The following NCAM2 variants were observed in gnomAD, a reference collection of about 807,000 sequenced individuals.
The protein encoded by NCAM2 is neural cell adhesion molecule 2.
Under a neutral mutation model 98.1 loss-of-function variants are expected in NCAM2, and 30 were observed. The ratio of observed to expected loss-of-function variants is 0.31; its 90% CI spans 0.23 to 0.41. The LOEUF is 0.41. Among genes scored for constraint, NCAM2 ranks in the 10% least tolerant of loss-of-function variants. NCAM2 has a pLI of 1.00. For synonymous variants in NCAM2, 368 were observed against 342.4 expected (o/e 1.07, Z -0.83); for missense variants, 867 against 1,005.8 (o/e 0.86, Z 1.87).
At chr21:21,147,528 A>G (rs1358873627) in intron 1 of NCAM2, among the ~76,000 whole-genome samples, 1 of 151,224 alleles carries the variant, frequency 6.6e-6, no homozygotes, top group Admixed American at 6.6e-5. Context: ...ATACACTAAT[A>G]ATGCAGCCAC....
chr21:21,246,448 T>C (rs1601753108), intron 1 of NCAM2, among the ~76,000 whole-genome samples: 2 of 152,278 alleles, frequency 1.3e-5, no homozygotes, highest in East Asian at 3.9e-4. Flanking sequence ...CAGAGAGAAG[T>C]AGAAAAATTA....
At chr21:21,175,168 G>A (rs1200617690) in intron 1 of NCAM2, among the ~76,000 whole-genome samples, 2 of 152,114 alleles carry the variant, frequency 1.3e-5, no homozygotes, top group Admixed American at 6.5e-5. Context: ...CACAAACTGG[G>A]AAACAAGTCA....
chr21:21,176,268 T>G (rs1465777430), intron 1 of NCAM2, among the ~76,000 whole-genome samples: 1 of 152,108 alleles, frequency 6.6e-6, no homozygotes. Flanking sequence ...AAGCCTGTAT[T>G]GATAACACAA....
At chr21:21,198,472 G>T (rs1195042005) in intron 1 of NCAM2, among the ~76,000 whole-genome samples, 1 of 152,132 alleles carries the variant, frequency 6.6e-6, no homozygotes, top group African/African-American at 2.4e-5. Flanking sequence ...AATAGAGAAT[G>T]ACCTTATAGA....
At chr21:20,999,082 T>G (rs993579970) in intron 1 of NCAM2, among the ~76,000 whole-genome samples, 26 of 148,380 alleles carry the variant, frequency 1.8e-4, no homozygotes, top group Non-Finnish European at 3.6e-4. Context: ...TTGGAGACTC[T>G]TTTTTTTTTC....
chr21:21,368,405 C>T (rs545030813), intron 8 of NCAM2, among the ~76,000 whole-genome samples: 50 of 152,002 alleles, frequency 3.3e-4, no homozygotes, highest in African/African-American at 1.2e-3. Flanking sequence ...CCCAGCATGT[C>T]ATCAGTGTAA....
intron 16 of NCAM2, among the ~76,000 whole-genome samples, chr21:21,526,659 C>T (rs1298801831): frequency 6.6e-6 from 1 of 151,956 alleles, no homozygotes; most frequent in African/African-American, 2.4e-5. Flanking sequence ...CAAAAAGACC[C>T]ACAATAACCA....
At chr21:21,220,580 T>C (rs536155151) in intron 1 of NCAM2, among the ~76,000 whole-genome samples, 36 of 152,280 alleles carry the variant, frequency 2.4e-4, no homozygotes, top group Non-Finnish European at 4.9e-4. Context: ...AATTCATGAC[T>C]GTATTTAGTT....
chr21:21,144,899 C>T (rs1027288116), intron 1 of NCAM2, among the ~76,000 whole-genome samples: 4 of 152,052 alleles, frequency 2.6e-5, no homozygotes, highest in East Asian at 1.9e-4. Context: ...AACACTAGTA[C>T]AACTGATCTT....
intron 1 of NCAM2, among the ~76,000 whole-genome samples, chr21:21,276,201 T>C (rs939857409): frequency 6.6e-6 from 1 of 152,126 alleles, no homozygotes; most frequent in Non-Finnish European, 1.5e-5. Flanking sequence ...TTTCATAATT[T>C]TATGTACCCC....
At chr21:21,030,580 A>G (rs1215833117) in intron 1 of NCAM2, among the ~76,000 whole-genome samples, 3 of 152,120 alleles carry the variant, frequency 2.0e-5, no homozygotes, top group Non-Finnish European at 2.9e-5. Flanking sequence ...TGCCATGTTG[A>G]GTTAGGCAAC....
rs1305907651 is a variant in NCAM2, at chr21:21,286,345, T to C, written c.414T>C (p.Val138=). Residue 138 remains valine (V), a synonymous_variant, in exon 4 of 18, where the codon GTT becomes GTC. Transcript: ENST00000400546. ...QGEDAEVVCR[V]SSSPAPAVSW... Reference sequence around the variant, plus strand: ...AAGATGCAGAAGTGGTTTGCCGAGTTAGCAGTTCACCTGCACCTGCTGTCA... The same window carrying C: ...AAGATGCAGAAGTGGTTTGCCGAGTCAGCAGTTCACCTGCACCTGCTGTCA... 1.2e-6 allele frequency: 2 copies of C among 1,612,460 alleles called. No homozygotes were observed. The highest frequency in any genetic ancestry group is 2.2e-5 in the South Asian group (2 of 91,024).
chr21:21,386,063 C>A (rs947264513), intron 9 of NCAM2, among the ~76,000 whole-genome samples: 2 of 152,006 alleles, frequency 1.3e-5, no homozygotes, highest in African/African-American at 2.4e-5. Context: ...ATTAAATAAT[C>A]CCATAACACA....
At chr21:21,394,672 A>G (rs1013834924) in intron 9 of NCAM2, among the ~76,000 whole-genome samples, 9 of 151,586 alleles carry the variant, frequency 5.9e-5, no homozygotes, top group African/African-American at 1.9e-4. Flanking sequence ...TATTTTTAGT[A>G]GAGACGGGGT....
At chr21:21,080,555 G>A (rs1204688040) in intron 1 of NCAM2, among the ~76,000 whole-genome samples, 1 of 144,724 alleles carries the variant, frequency 6.9e-6, no homozygotes, top group East Asian at 2.2e-4. Flanking sequence ...TGTGGAGGTT[G>A]TAGTGAGCTG....
chr21:21,520,451 T>C (rs1223613253), intron 16 of NCAM2, among the ~76,000 whole-genome samples: 1 of 152,120 alleles, frequency 6.6e-6, no homozygotes, highest in Non-Finnish European at 1.5e-5. Context: ...GCAGAGGGAA[T>C]GGACTGTGTA....
At chr21:21,473,247 C>G (rs114455017) in intron 14 of NCAM2, among the ~76,000 whole-genome samples, 1 of 150,568 alleles carries the variant, frequency 6.6e-6, no homozygotes, top group Admixed American at 6.7e-5. Context: ...TCCCTTGATG[C>G]TTCTCGTTTG....
At chr21:21,363,949 G>C (rs183720729) in intron 8 of NCAM2, among the ~76,000 whole-genome samples, 1 of 151,842 alleles carries the variant, frequency 6.6e-6, no homozygotes, top group Non-Finnish European at 1.5e-5. Context: ...TTAATTGAAG[G>C]CTTCTAACAA....
chr21:21,162,715 T>C (rs1469729498), intron 1 of NCAM2, among the ~76,000 whole-genome samples: 2 of 152,130 alleles, frequency 1.3e-5, no homozygotes, highest in Non-Finnish European at 2.9e-5. Context: ...AAAGAAGTTC[T>C]TGGTGATGAT....
Sources: allele counts gnomAD v4.1 joint callset (sites outside exome capture counted in the v4.1 genomes callset), GRCh38; gene constraint gnomAD v4.1.1; transcripts MANE v1.5; gene names NCBI Gene and HGNC (gene_info 2026-07-23, HGNC 2026-07-21).